Variants in CNBD1 observed in about 807,000 individuals in gnomAD.
CNBD1 encodes cyclic nucleotide binding domain containing 1, also known as cyclic nucleotide-binding domain-containing protein 1.
CNBD1 carries 71 observed loss-of-function variants against 54.4 expected under a neutral mutation model. The observed-to-expected ratio is 1.30, with a 90% CI of 1.08 to 1.59. CNBD1 has a LOEUF of 1.59. CNBD1 is among the 40% of genes most tolerant of loss of function. The pLI, the probability that CNBD1 is intolerant of heterozygous loss-of-function variation, is 0.00. For missense variants in CNBD1, 659 were observed against 518.0 expected, an observed-to-expected ratio of 1.27 and a Z score of -2.64; for synonymous variants, 182 against 170.7, an observed-to-expected ratio of 1.07 and a Z score of -0.51.
chr8:87,420,729 C>A (rs1807918931), intron 2 of CNBD1, among the ~76,000 whole-genome samples: 1 of 151,052 alleles, frequency 6.6e-6, no homozygotes, highest in South Asian at 2.1e-4. Flanking sequence ...TTTGTTTTAC[C>A]TACATGTTAC....
intron 4 of CNBD1, among the ~76,000 whole-genome samples, chr8:87,035,178 T>C (rs1340152095): frequency 6.6e-6 from 1 of 152,194 alleles, no homozygotes; most frequent in Admixed American, 6.5e-5. Context: ...AATGAATTAT[T>C]TTATGTTTTT....
At chr8:87,350,350 T>C (rs7845036) in intron 8 of CNBD1, among the ~76,000 whole-genome samples, 86,126 of 151,794 alleles carry the variant, frequency 0.57, 25,961 homozygotes, top group African/African-American at 0.77. Context: ...TTATTATAAA[T>C]ATTGAAGTAA....
At chr8:87,330,960 C>A (rs1358711636) in intron 8 of CNBD1, among the ~76,000 whole-genome samples, 5 of 152,056 alleles carry the variant, frequency 3.3e-5, no homozygotes. Flanking sequence ...CAATGTCTGT[C>A]TTTTAATTGG....
chr8:87,197,884 G>C (rs1813754382), intron 4 of CNBD1, among the ~76,000 whole-genome samples: 1 of 152,204 alleles, frequency 6.6e-6, no homozygotes, highest in African/African-American at 2.4e-5. Flanking sequence ...GTCATTAGGT[G>C]CTTGAGATAC....
chr8:87,424,108 G>A (rs1466005743), intron 2 of CNBD1, among the ~76,000 whole-genome samples: 3 of 152,048 alleles, frequency 2.0e-5, no homozygotes, highest in African/African-American at 7.3e-5. Flanking sequence ...TATTTCTGTG[G>A]GATTGGTGGT....
At chr8:87,424,866 C>T (rs1215746951) in intron 2 of CNBD1, among the ~76,000 whole-genome samples, 1 of 152,110 alleles carries the variant, frequency 6.6e-6, no homozygotes, top group African/African-American at 2.4e-5. Context: ...GAACGTTGGC[C>T]TGCCTTGCTA....
chr8:86,950,433 T>A (rs181291357), intron 4 of CNBD1, among the ~76,000 whole-genome samples: 2 of 152,178 alleles, frequency 1.3e-5, no homozygotes, highest in African/African-American at 4.8e-5. Flanking sequence ...TCTGTTGATA[T>A]GATGTATCAC....
intron 4 of CNBD1, among the ~76,000 whole-genome samples, chr8:86,990,184 G>A (rs1269303601): frequency 6.6e-6 from 1 of 152,070 alleles, no homozygotes; most frequent in African/African-American, 2.4e-5. Flanking sequence ...CCTTTGCTGT[G>A]CAGAAGCTTT....
intron 6 of CNBD1, among the ~76,000 whole-genome samples, chr8:87,274,504 C>T (rs1193196745): frequency 6.7e-6 from 1 of 148,830 alleles, no homozygotes; most frequent in Non-Finnish European, 1.5e-5. Context: ...TTTTGATTTG[C>T]ATTTCTCTGA....
At chr8:87,025,510 C>T (rs1444236976) in intron 4 of CNBD1, among the ~76,000 whole-genome samples, 1 of 152,116 alleles carries the variant, frequency 6.6e-6, no homozygotes, top group Non-Finnish European at 1.5e-5. Flanking sequence ...AGAGCTGTAA[C>T]ACTCACTGTG....
intron 4 of CNBD1, among the ~76,000 whole-genome samples, chr8:87,027,282 A>G (rs571137981): frequency 6.6e-6 from 1 of 151,836 alleles, no homozygotes. Flanking sequence ...TTATTTATTT[A>G]TTTATTTTGA....
intron 2 of CNBD1, among the ~76,000 whole-genome samples, chr8:87,396,733 C>T (rs2130973874): frequency 6.6e-6 from 1 of 151,690 alleles, no homozygotes; most frequent in Non-Finnish European, 1.5e-5. Context: ...TAAAAGTTTT[C>T]CTTTTACATA....
At chr8:86,996,322 C>T (rs750536885) in intron 4 of CNBD1, among the ~76,000 whole-genome samples, 1 of 152,064 alleles carries the variant, frequency 6.6e-6, no homozygotes, top group African/African-American at 2.4e-5. Flanking sequence ...GAAATCATTG[C>T]TTCCTATAAA....
At chr8:87,381,188 G>A (rs894822647) in intron 10 of CNBD1, among the ~76,000 whole-genome samples, 1 of 151,834 alleles carries the variant, frequency 6.6e-6, no homozygotes, top group African/African-American at 2.4e-5. Flanking sequence ...CATTTCAATA[G>A]CTAAAAATAA....
At chr8:86,995,516 A>G (rs891833087) in intron 4 of CNBD1, among the ~76,000 whole-genome samples, 1 of 152,216 alleles carries the variant, frequency 6.6e-6, no homozygotes, top group African/African-American at 2.4e-5. Flanking sequence ...GATAAAAATC[A>G]CAGAGTTGGA....
At chr8:87,191,454 C>T (rs1813608120) in intron 4 of CNBD1, among the ~76,000 whole-genome samples, 1 of 152,298 alleles carries the variant, frequency 6.6e-6, no homozygotes, top group East Asian at 1.9e-4. Flanking sequence ...CTGGTAACAC[C>T]TTCAGAGACA....
At chr8:87,167,785 CAT>C (rs1172750236) in intron 4 of CNBD1, among the ~76,000 whole-genome samples, 3 of 151,888 alleles carry the variant, frequency 2.0e-5, no homozygotes, top group African/African-American at 7.2e-5. Context: ...TAAATATAGT[CAT>C]GTGTCACTTA....
chr8:87,082,251 C>T (rs997250522), intron 4 of CNBD1, among the ~76,000 whole-genome samples: 18 of 152,130 alleles, frequency 1.2e-4, no homozygotes, highest in Admixed American at 3.3e-4. Flanking sequence ...GTGACCCACA[C>T]CCCTGCCCGC....
At chr8:87,379,296 C>A (rs1452666064) in intron 10 of CNBD1, among the ~76,000 whole-genome samples, 2 of 151,792 alleles carry the variant, frequency 1.3e-5, no homozygotes, top group Admixed American at 6.6e-5. Flanking sequence ...ACTTTAACAC[C>A]CCACTGTCAA....
Sources: allele counts gnomAD v4.1 joint callset (sites outside exome capture counted in the v4.1 genomes callset), GRCh38; gene constraint gnomAD v4.1.1; transcripts MANE v1.5; gene names NCBI Gene and HGNC (gene_info 2026-07-23, HGNC 2026-07-21).